ANKS1B: variants seen among roughly 807,000 people sequenced by gnomAD.
ANKS1B encodes the protein ankyrin repeat and sterile alpha motif domain-containing protein 1B.
Under a neutral mutation model 148.3 loss-of-function variants are expected in ANKS1B, and 36 were observed. That is an observed-to-expected ratio of 0.24 (90% confidence interval 0.19 to 0.32). The LOEUF is 0.32. Ranked by LOEUF, ANKS1B falls within the 10% of genes least tolerant of loss-of-function variation. The pLI, the probability that ANKS1B is intolerant of heterozygous loss-of-function variation, is 1.00. For missense variants in ANKS1B, 1,157 were observed against 1,542.6 expected, an observed-to-expected ratio of 0.75 and a Z score of 4.19; for synonymous variants, 542 against 560.8, an observed-to-expected ratio of 0.97 and a Z score of 0.47.
intron 12 of ANKS1B, among the ~76,000 whole-genome samples, chr12:99,365,237 C>T (rs1389504808): frequency 6.6e-6 from 1 of 152,192 alleles, no homozygotes; most frequent in Non-Finnish European, 1.5e-5. Flanking sequence ...TGAGCATTAA[C>T]ACAGAGGCCC....
At chr12:99,620,134 C>T (rs2098028453) in intron 9 of ANKS1B, among the ~76,000 whole-genome samples, 13 of 152,114 alleles carry the variant, frequency 8.5e-5, no homozygotes, top group Admixed American at 8.5e-4. Context: ...GCTGTAGAAG[C>T]AAAGCCAAAA....
Position 98,942,609 on chromosome 12 carries a change from C to G in ANKS1B, c.2779-110473G>C, listed in dbSNP as rs990424112. Among the ~76,000 whole-genome samples, 4 of 152,348 alleles carry G rather than the reference C, an allele frequency of 2.6e-5. No individual in the cohort carries two copies. In the East Asian group the frequency reaches 7.7e-4, roughly 29 times the overall value. On this transcript the variant is annotated intron_variant, in intron 17 of 26. Transcript: ENST00000683438. ...GTCATTACCTGTATATGTCTGTGTTCCCAACTAGACTTTAAGCTCTATGAG... is the reference window on the plus strand; with the variant it reads ...GTCATTACCTGTATATGTCTGTGTTGCCAACTAGACTTTAAGCTCTATGAG...
At chr12:99,354,075 A>G (rs2091734904) in intron 12 of ANKS1B, among the ~76,000 whole-genome samples, 1 of 152,078 alleles carries the variant, frequency 6.6e-6, no homozygotes, top group African/African-American at 2.4e-5. Context: ...AGTATCACAA[A>G]AATCTTATGA....
Position 98,901,964 on chromosome 12 carries a change from T to C in ANKS1B, c.2779-69828A>G, listed in dbSNP as rs1422489753. On this transcript the variant is annotated intron_variant, in intron 17 of 26. Transcript: ENST00000683438. ...TTATTCTTATTGCCTCCTCATACTT[T>C]GCCATGGGAAAATCCCTGTTTGGAT... Among the ~76,000 whole-genome samples the C allele has an allele frequency of 2.0e-5, 3 of 152,338 alleles. No individual in the cohort carries two copies. In the South Asian group the frequency reaches 6.2e-4, roughly 32 times the overall value.
chr12:99,212,573 T>C (rs911939680), intron 14 of ANKS1B, among the ~76,000 whole-genome samples: 1 of 152,222 alleles, frequency 6.6e-6, no homozygotes, highest in Non-Finnish European at 1.5e-5. Context: ...GTGCCTACTG[T>C]ATTATGGGTA....
intron 9 of ANKS1B, among the ~76,000 whole-genome samples, chr12:99,549,747 A>G (rs1297205686): frequency 6.6e-6 from 1 of 152,220 alleles, no homozygotes; most frequent in South Asian, 2.1e-4. Context: ...CAGTGAATGT[A>G]AGATAAAGAA....
chr12:98,826,135 A>G (rs1479488500), intron 19 of ANKS1B, among the ~76,000 whole-genome samples: 1 of 152,190 alleles, frequency 6.6e-6, no homozygotes, highest in Non-Finnish European at 1.5e-5. Flanking sequence ...CCCATCATTC[A>G]GATGTATTTA....
rs115592195 is a variant in ANKS1B at position 99,823,382 on chromosome 12, T to C, written c.215+1927A>G. ...GTGCAGTCATGAGATCTCTGCTCGC[T>C]GCAACCTCTGCCTCCAGGGTTCAAG... is the stretch of plus-strand genomic sequence containing the variant. On this transcript the variant is annotated intron_variant, in intron 2 of 26. Coordinates refer to ENST00000683438, the MANE Select transcript of ANKS1B (RefSeq NM_001352186.2). Among the ~76,000 whole-genome samples the C allele has an allele frequency of 7.3e-3, 1,107 of 152,312 alleles. 8 individuals carry two copies. The highest frequency in any genetic ancestry group is 0.025 in the African/African-American group (1,049 of 41,578).
At chr12:99,922,298 C>G (rs1428960211) in intron 1 of ANKS1B, among the ~76,000 whole-genome samples, 2 of 152,104 alleles carry the variant, frequency 1.3e-5, no homozygotes, top group Non-Finnish European at 2.9e-5. Flanking sequence ...CTAAGGACTT[C>G]TTTAATTCTT....
intron 12 of ANKS1B, among the ~76,000 whole-genome samples, chr12:99,387,586 ACT>A (rs1004726845): frequency 2.0e-5 from 3 of 150,534 alleles, no homozygotes; most frequent in African/African-American, 7.4e-5. Flanking sequence ...ACAGAGTGAG[ACT>A]CTGTCTCAAA....
intron 17 of ANKS1B, among the ~76,000 whole-genome samples, chr12:99,013,001 A>C (rs1465880412): frequency 6.6e-6 from 1 of 152,194 alleles, no homozygotes; most frequent in Non-Finnish European, 1.5e-5. Context: ...TCTTTTTAAA[A>C]TACTTGTGGA....
chr12:98,894,689 C>G (rs1295738789), intron 17 of ANKS1B: 3 of 985,598 alleles, frequency 3.0e-6, no homozygotes, highest in Admixed American at 1.2e-4. Flanking sequence ...CTCTGGCCCC[C>G]GAGGACGCAG....
intron 12 of ANKS1B, among the ~76,000 whole-genome samples, chr12:99,292,918 T>C (rs1404023935): frequency 6.6e-6 from 1 of 152,182 alleles, no homozygotes; most frequent in Non-Finnish European, 1.5e-5. Flanking sequence ...GTAAATTAGT[T>C]CAACCATTGT....
In ANKS1B at chr12:99,769,753, T is replaced by C. The variant is rs79965055; in HGVS notation, c.1128+3169A>G. On this transcript the variant is annotated intron_variant, in intron 8 of 26. Coordinates refer to ENST00000683438, the MANE Select transcript of ANKS1B (RefSeq NM_001352186.2). Reference sequence around the variant, plus strand: ...TGAGGATTAAATCAGTTAATACAAGTAAAGTGTTCCATAAATTGAGGTATT... The same window carrying C: ...TGAGGATTAAATCAGTTAATACAAGCAAAGTGTTCCATAAATTGAGGTATT... Among the ~76,000 whole-genome samples the C allele has an allele frequency of 5.0e-3, 758 of 152,352 alleles. 10 individuals are homozygous for C. The highest frequency in any genetic ancestry group is 0.017 in the African/African-American group (724 of 41,588).
chr12:99,863,321 A>G (rs1017449024), intron 1 of ANKS1B, among the ~76,000 whole-genome samples: 1 of 152,086 alleles, frequency 6.6e-6, no homozygotes, highest in Admixed American at 6.5e-5. Flanking sequence ...AAACTCCACC[A>G]CTTGACTTTT....
At chr12:99,033,424 G>A (rs1038572369) in intron 17 of ANKS1B, among the ~76,000 whole-genome samples, 1 of 152,172 alleles carries the variant, frequency 6.6e-6, no homozygotes, top group African/African-American at 2.4e-5. Flanking sequence ...ATACTCCAGG[G>A]TGGTAGAGCC....
chr12:99,132,481 CAAA>C (rs201298152), intron 15 of ANKS1B, among the ~76,000 whole-genome samples: 11 of 129,442 alleles, frequency 8.5e-5, no homozygotes, highest in Non-Finnish European at 1.4e-4. Flanking sequence ...TCCCCGCCTT[CAAA>C]AAAAAAAAAA....
chr12:98,958,903 A>G (rs1216834749), intron 17 of ANKS1B, among the ~76,000 whole-genome samples: 1 of 152,198 alleles, frequency 6.6e-6, no homozygotes, highest in Non-Finnish European at 1.5e-5. Context: ...AAATTGTATC[A>G]CGTAGGGAGA....
intron 8 of ANKS1B, among the ~76,000 whole-genome samples, chr12:99,667,106 G>A (rs2098512148): frequency 6.6e-6 from 1 of 152,034 alleles, no homozygotes; most frequent in South Asian, 2.1e-4. Context: ...AGCACTTTGG[G>A]AGGTCAAGGC....
Sources: allele counts gnomAD v4.1 joint callset (sites outside exome capture counted in the v4.1 genomes callset), GRCh38; gene constraint gnomAD v4.1.1; transcripts MANE v1.5; gene names NCBI Gene and HGNC (gene_info 2026-07-23, HGNC 2026-07-21).